CPS1: variants seen among roughly 807,000 people sequenced by gnomAD.
The protein encoded by CPS1 is carbamoyl-phosphate synthase 1.
Under a neutral mutation model 174.6 loss-of-function variants are expected in CPS1, and 109 were observed. The observed-to-expected ratio is 0.62, with a 90% CI of 0.53 to 0.73. The LOEUF (loss-of-function observed/expected upper bound fraction) is 0.73, where lower values mean the gene tolerates loss of function less well. Among genes scored for constraint, CPS1 ranks in the 30% least tolerant of loss-of-function variants. The pLI is 0.00. For missense variants in CPS1, 1,689 were observed against 1,821.9 expected (o/e 0.93, Z 1.33); for synonymous variants, 637 against 632.0 (o/e 1.01, Z -0.12).
intron 1 of CPS1, among the ~76,000 whole-genome samples, chr2:210,494,817 T>A (rs1304622932): frequency 6.6e-6 from 1 of 152,132 alleles, no homozygotes; most frequent in Non-Finnish European, 1.5e-5. Context: ...AAGGAAAGAT[T>A]TGGAAGGCAG....
At chr2:210,622,883 T>C (rs1035287600) in intron 21 of CPS1, among the ~76,000 whole-genome samples, 2 of 151,866 alleles carry the variant, frequency 1.3e-5, no homozygotes, top group South Asian at 4.1e-4. Flanking sequence ...TTTATTTCCT[T>C]ATTTTGTTTT....
rs571682801 is a variant in CPS1 at position 210,542,644 on chromosome 2, A to T, written c.4-14075A>T. ...ATTTTTTGGTTATACTCTTTCTCTC[A>T]TGCAAATTTTTCTCTCTTTTTCAAG... On this transcript the variant is annotated intron_variant, in intron 1 of 38. Coordinates refer to the CPS1 transcript ENST00000430249. Among the ~76,000 whole-genome samples, 14 of 151,896 alleles carry T rather than the reference A, an allele frequency of 9.2e-5. No homozygotes were observed. In the South Asian group the frequency reaches 2.9e-3, roughly 32 times the overall value.
rs1698269066 is a variant in CPS1, at chr2:210,590,855, T to C, written c.896T>C (p.Ile299Thr). 10 of 1,611,202 alleles carry C rather than the reference T, an allele frequency of 6.2e-6. No homozygotes were observed. The highest frequency in any genetic ancestry group is 1.7e-5 in the Admixed American group (1 of 59,800). The change falls in exon 9 of 38, where the codon ATA becomes ACA. Residue 299 changes from isoleucine to threonine, a missense_variant. Coordinates refer to ENST00000233072, the MANE Select transcript of CPS1 (RefSeq NM_001875.5). ...TTTGGAATCAGTACAGGAAACTTAA[T>C]AACAGGATTGGCTGCTGGTGCCAAA... ...PLFGISTGNL[I>T]TGLAAGAKTY...
At position 210,550,184 on chromosome 2, in the gene CPS1, T is replaced by G. The variant is rs553328385; in HGVS notation, c.4-6535T>G. ...AACCAGAGAAGTTGTGGTTACTTTC[T>G]TCTGTCTCATTGTTCAGTTTTTACT... On this transcript the variant is annotated intron_variant, in intron 1 of 38. Transcript: ENST00000430249. Among the ~76,000 whole-genome samples the G allele has an allele frequency of 7.2e-5, 11 of 152,126 alleles. No homozygotes were observed. In the South Asian group the frequency reaches 1.9e-3, roughly 26 times the overall value.
At chr2:210,619,660 T>C (rs1699437684) in intron 21 of CPS1, 1 of 152,140 alleles carries the variant, frequency 6.6e-6, no homozygotes, top group African/African-American at 2.4e-5. Context: ...AATTGATAGC[T>C]ACGATGCAAA....
chr2:210,562,712 T>G (rs1697142962), intron 1 of CPS1, among the ~76,000 whole-genome samples: 1 of 152,136 alleles, frequency 6.6e-6, no homozygotes, highest in African/African-American at 2.4e-5. Flanking sequence ...GCCTTAGGCC[T>G]TGGTGAAAAT....
chr2:210,593,678 A>T, intron 11 of CPS1: 3 of 984,590 alleles, frequency 3.0e-6, no homozygotes, highest in Non-Finnish European at 2.4e-6. Flanking sequence ...CTTCGAGGTA[A>T]AATGGGGAAG....
intron 17 of CPS1, 118 bp from the exon 18 acceptor site, chr2:210,606,613 A>G (rs953244582): frequency 3.6e-5 from 33 of 916,302 alleles, no homozygotes; most frequent in Non-Finnish European, 5.1e-5. Context: ...TATCACATAT[A>G]TATCCCAACA....
At chr2:210,511,646 T>C (rs918234) in intron 1 of CPS1, among the ~76,000 whole-genome samples, 128,731 of 151,926 alleles carry the variant, frequency 0.85, 55,229 homozygotes, top group Middle Eastern at 0.92. Flanking sequence ...TAAGACTCAG[T>C]GATAGGCTCA....
upstream of CPS1, among the ~76,000 whole-genome samples, chr2:210,552,169 T>C (rs1487542105): frequency 6.6e-6 from 1 of 152,006 alleles, no homozygotes; most frequent in Admixed American, 6.6e-5. Flanking sequence ...AGTAGAACTT[T>C]CTTCAGGGAG....
chr2:210,627,211 G>A (rs1699724007), intron 21 of CPS1, among the ~76,000 whole-genome samples: 1 of 152,134 alleles, frequency 6.6e-6, no homozygotes, highest in Non-Finnish European at 1.5e-5. Flanking sequence ...GTCTGGCAGG[G>A]AGAAAGCCCC....
Position 210,650,445 on chromosome 2 carries a change from T to A in CPS1, c.3480+7T>A. On this transcript the variant is annotated splice_region_variant and intron_variant, in intron 28 of 37. Transcript: ENST00000233072. ...GGCGACTAGAGTTTCTCAGGTAGTG[T>A]CCAATTTCTTTGTAGTGACTGTTAT... 1 of 1,597,178 alleles carries A rather than the reference T, an allele frequency of 6.3e-7. No individual in the cohort carries two copies.
At chr2:210,547,215 C>G (rs1313854776) in intron 1 of CPS1, among the ~76,000 whole-genome samples, 1 of 151,994 alleles carries the variant, frequency 6.6e-6, no homozygotes. Flanking sequence ...TTTTTTTGGT[C>G]AGTTAATATG....
At chr2:210,638,781 AGAGATCC>A (rs1279922733) in intron 22 of CPS1, among the ~76,000 whole-genome samples, 3 of 152,188 alleles carry the variant, frequency 2.0e-5, no homozygotes, top group Non-Finnish European at 4.4e-5. Flanking sequence ...TGCAAGCCAA[AGAGATCC>A]TTACGTATAG....
At position 210,678,327 on chromosome 2, in the gene CPS1, ACT is replaced by A; in HGVS notation, c.*345_*346del. Reference sequence around the variant, plus strand: ...GAAAAGTTGCTGTTCTATTTTCTGAACTCTTTCTATACTTTAAGATACTCTAT... The same window carrying A: ...GAAAAGTTGCTGTTCTATTTTCTGAACTTTCTATACTTTAAGATACTCTAT... On this transcript the variant is annotated 3_prime_UTR_variant, in exon 38 of 38. Transcript: ENST00000233072. 2.7e-6 allele frequency: 1 copy of A among 367,232 alleles called. No homozygotes were observed. Among genetic ancestry groups the A allele is most frequent in the Non-Finnish European group, 5.2e-6 (1 of 193,792 alleles). 22.7% of individuals were successfully genotyped at this position (367,232 alleles called of 1,614,324 possible).
chr2:210,656,601 C>A lies in CPS1; in HGVS notation c.3635C>A (p.Thr1212Lys). The change falls in exon 30 of 38, where the codon ACA becomes AAA. Residue 1212 changes from threonine to lysine, a missense_variant. Transcript: ENST00000233072. ...HSGDATLMLP[T>K]QTISQGAIEK... Reference sequence around the variant, plus strand: ...GGAGATGCCACTCTGATGCTGCCCACACAAACCATCAGCCAAGGGGCCATT... The same window carrying A: ...GGAGATGCCACTCTGATGCTGCCCAAACAAACCATCAGCCAAGGGGCCATT... 1 of 1,610,440 alleles carries A rather than the reference C, an allele frequency of 6.2e-7. No individual in the cohort carries two copies. Among genetic ancestry groups the A allele is most frequent in the Non-Finnish European group, 8.5e-7 (1 of 1,179,442 alleles).
chr2:210,529,821 C>A (rs1450041566), intron 1 of CPS1, among the ~76,000 whole-genome samples: 1 of 151,916 alleles, frequency 6.6e-6, no homozygotes, highest in Non-Finnish European at 1.5e-5. Context: ...TATTCTATCC[C>A]CATTTTATTG....
intron 1 of CPS1, among the ~76,000 whole-genome samples, chr2:210,508,176 G>C (rs995527628): frequency 4.0e-4 from 60 of 149,902 alleles, no homozygotes; most frequent in African/African-American, 1.2e-3. Context: ...ATAACAAACT[G>C]TCTCTCAGAC....
At chr2:210,537,263 A>G (rs1304451372) in intron 1 of CPS1, among the ~76,000 whole-genome samples, 1 of 152,228 alleles carries the variant, frequency 6.6e-6, no homozygotes, top group Non-Finnish European at 1.5e-5. Context: ...ATAAAAGGGG[A>G]AAAACCCAAC....
Sources: gnomAD v4.1 joint callset for allele counts (sites outside exome capture counted in the v4.1 genomes callset) on GRCh38, gnomAD v4.1.1 for gene constraint, MANE v1.5 for transcripts, NCBI Gene and HGNC (gene_info 2026-07-23, HGNC 2026-07-21) for gene names.